The following SEMA6D variants were observed in gnomAD, a reference collection of about 807,000 sequenced individuals.
SEMA6D encodes the protein semaphorin-6D.
A neutral mutation model predicts 106.6 loss-of-function variants in SEMA6D; 35 were observed. That is an observed-to-expected ratio of 0.33 (90% CI 0.25 to 0.44). The LOEUF (loss-of-function observed/expected upper bound fraction) is 0.44. Ranked by LOEUF, SEMA6D falls within the 20% of genes least tolerant of loss-of-function variation. The pLI is 1.00. For missense variants in SEMA6D, 1,185 were observed against 1,345.9 expected, an observed-to-expected ratio of 0.88 and a Z score of 1.87; for synonymous variants, 499 against 487.7, an observed-to-expected ratio of 1.02 and a Z score of -0.31.
At chr15:47,595,675 A>G (rs959078758) in intron 3 of SEMA6D, among the ~76,000 whole-genome samples, 1 of 152,178 alleles carries the variant, frequency 6.6e-6, no homozygotes, top group African/African-American at 2.4e-5. Flanking sequence ...GTTCTTCTTT[A>G]AATGACCCAT....
chr15:47,514,057 A>T (rs890133689), intron 3 of SEMA6D, among the ~76,000 whole-genome samples: 2 of 152,214 alleles, frequency 1.3e-5, no homozygotes, highest in Non-Finnish European at 2.9e-5. Context: ...TTGGTTCACA[A>T]GTCATTGCTA....
chr15:47,337,685 CAGGG>C (rs2037623557), intron 1 of SEMA6D, among the ~76,000 whole-genome samples: 1 of 152,006 alleles, frequency 6.6e-6, no homozygotes, highest in South Asian at 2.1e-4. Flanking sequence ...TTGTCTGAAA[CAGGG>C]AGAGATGAAA....
chr15:47,690,664 C>T (rs546943901), intron 4 of SEMA6D, among the ~76,000 whole-genome samples: 9 of 152,250 alleles, frequency 5.9e-5, no homozygotes, highest in African/African-American at 2.2e-4. Flanking sequence ...AGGTAGTTCC[C>T]AGTGTCAAAA....
chr15:47,454,599 G>GCGCACACA (rs113699947), intron 2 of SEMA6D, among the ~76,000 whole-genome samples: 22 of 148,990 alleles, frequency 1.5e-4, no homozygotes, highest in African/African-American at 4.9e-4. Flanking sequence ...TTGCACATGT[G>GCGCACACA]CACACACACA....
At chr15:47,530,392 A>G (rs991759350) in intron 3 of SEMA6D, among the ~76,000 whole-genome samples, 2 of 152,244 alleles carry the variant, frequency 1.3e-5, no homozygotes, top group Non-Finnish European at 2.9e-5. Flanking sequence ...ACTGGAATTT[A>G]AAACAACAAA....
intron 3 of SEMA6D, among the ~76,000 whole-genome samples, chr15:47,560,326 A>G (rs941057290): frequency 4.6e-5 from 7 of 152,122 alleles, no homozygotes; most frequent in South Asian, 2.1e-4. Flanking sequence ...AGAAAGCATA[A>G]TAACAATGAC....
intron 1 of SEMA6D, among the ~76,000 whole-genome samples, chr15:47,305,251 C>G (rs535264582): frequency 6.6e-6 from 1 of 152,290 alleles, no homozygotes; most frequent in South Asian, 2.1e-4. Flanking sequence ...TAATTACTCT[C>G]CTTGGGTTGG....
intron 4 of SEMA6D, among the ~76,000 whole-genome samples, chr15:47,680,919 T>C (rs1353805869): frequency 6.6e-6 from 1 of 152,146 alleles, no homozygotes; most frequent in African/African-American, 2.4e-5. Flanking sequence ...ACAGCCATTA[T>C]CAAAACAACA....
chr15:47,583,541 A>T (rs992281464), intron 3 of SEMA6D, among the ~76,000 whole-genome samples: 2 of 152,124 alleles, frequency 1.3e-5, no homozygotes, highest in Admixed American at 1.3e-4. Flanking sequence ...GGAGCCACGT[A>T]TTTTATCAGG....
At chr15:47,602,250 G>C (rs1161934295) in intron 4 of SEMA6D, among the ~76,000 whole-genome samples, 4 of 152,160 alleles carry the variant, frequency 2.6e-5, no homozygotes, top group South Asian at 2.1e-4. Flanking sequence ...GGCATCTTCT[G>C]TATGTATTCC....
At chr15:47,357,318 C>T (rs1567023178) in intron 1 of SEMA6D, among the ~76,000 whole-genome samples, 1 of 151,640 alleles carries the variant, frequency 6.6e-6, no homozygotes, top group African/African-American at 2.4e-5. Context: ...TGGGCGACAG[C>T]AAGACTCCAT....
At chr15:47,467,735 A>G (rs1257496806) in intron 2 of SEMA6D, among the ~76,000 whole-genome samples, 1 of 152,164 alleles carries the variant, frequency 6.6e-6, no homozygotes, top group South Asian at 2.1e-4. Context: ...GGATGCTAAG[A>G]GATCATTGAT....
chr15:47,427,531 A>G lies in SEMA6D; in HGVS notation c.-159+15059A>G, dbSNP rs1447237539. On this transcript the variant is annotated intron_variant, in intron 2 of 19. Transcript: ENST00000558014. ...TTTGGAAAATCTTGATCTCAGAAAT[A>G]CTATCTTTTATATCTTAAATGAATT... is the stretch of plus-strand genomic sequence containing the variant. 2.0e-5 allele frequency among the ~76,000 whole-genome samples: 3 copies of G among 152,326 alleles called. No homozygotes were observed. In the South Asian group the frequency reaches 6.2e-4, roughly 32 times the overall value.
At chr15:47,461,076 C>T (rs1312863332) in intron 2 of SEMA6D, among the ~76,000 whole-genome samples, 3 of 152,134 alleles carry the variant, frequency 2.0e-5, no homozygotes, top group Non-Finnish European at 4.4e-5. Flanking sequence ...AAGCTCATTT[C>T]TATGCCAATG....
chr15:47,684,168 G>T (rs886204357), intron 4 of SEMA6D, among the ~76,000 whole-genome samples: 2 of 152,068 alleles, frequency 1.3e-5, no homozygotes, highest in African/African-American at 2.4e-5. Context: ...ACTAAAATGG[G>T]TGTTCGTGTT....
At chr15:47,562,674 A>G (rs966184003) in intron 3 of SEMA6D, among the ~76,000 whole-genome samples, 4 of 152,112 alleles carry the variant, frequency 2.6e-5, no homozygotes, top group African/African-American at 9.6e-5. Flanking sequence ...TGACTATAGT[A>G]AAAAAGACAG....
chr15:47,501,176 C>T (rs1360097952), intron 3 of SEMA6D, among the ~76,000 whole-genome samples: 1 of 152,116 alleles, frequency 6.6e-6, no homozygotes, highest in Non-Finnish European at 1.5e-5. Context: ...AGAAATGTAG[C>T]TTTCATGGTT....
chr15:47,291,035 T>A (rs2035574781), intron 1 of SEMA6D, among the ~76,000 whole-genome samples: 1 of 152,238 alleles, frequency 6.6e-6, no homozygotes, highest in Non-Finnish European at 1.5e-5. Context: ...ATAGCTAGGC[T>A]ATTCCATTAC....
chr15:47,629,710 A>C (rs868314152), intron 4 of SEMA6D, among the ~76,000 whole-genome samples: 1 of 151,598 alleles, frequency 6.6e-6, no homozygotes, highest in South Asian at 2.1e-4. Context: ...CCCATAACCC[A>C]CCCTTTCCAA....
Sources: gnomAD v4.1 joint callset for allele counts (sites outside exome capture counted in the v4.1 genomes callset) on GRCh38, gnomAD v4.1.1 for gene constraint, MANE v1.5 for transcripts, NCBI Gene and HGNC (gene_info 2026-07-23, HGNC 2026-07-21) for gene names.